FGD4: variants seen among roughly 807,000 people sequenced by gnomAD.
The protein encoded by FGD4 is FYVE, RhoGEF and PH domain-containing protein 4.
A neutral mutation model predicts 102.0 loss-of-function variants in FGD4; 42 were observed. The observed-to-expected ratio is 0.41, with a 90% CI of 0.32 to 0.53. FGD4 has a LOEUF of 0.53. Ranked by LOEUF, FGD4 falls within the 20% of genes least tolerant of loss-of-function variation. The probability of loss-of-function intolerance (pLI) is 0.21; values close to 1 mark genes in which losing one functional copy is unlikely to be tolerated. For synonymous variants in FGD4, 380 were observed against 375.7 expected (o/e 1.01, Z -0.13); for missense variants, 902 against 1,078.2 (o/e 0.84, Z 2.29).
In FGD4 at chr12:32,508,098, G is replaced by C. The variant is rs1029721853; in HGVS notation, c.167-56039G>C. Among the ~76,000 whole-genome samples the C allele has an allele frequency of 1.1e-4, 17 of 152,218 alleles. 1 individual carries two copies. Among genetic ancestry groups the C allele is most frequent in the Non-Finnish European group, 2.9e-5 (2 of 68,032 alleles). On this transcript the variant is annotated intron_variant, in intron 1 of 16. Transcript: ENST00000534526. ...TCAGTGTGATTGACATAGCAGAGGA[G>C]GGATGAAGGGTACAGAGGGGAGGGG... is the stretch of plus-strand genomic sequence containing the variant.
chr12:32,564,435 C>T, intron 2 of FGD4, 146 bp downstream of exon 2: 1 of 1,025,240 alleles, frequency 9.8e-7, no homozygotes, highest in East Asian at 2.7e-5. Context: ...TCCATCTGTG[C>T]ATCTTCTCAG....
intron 1 of FGD4, among the ~76,000 whole-genome samples, chr12:32,434,867 A>T (rs550349975): frequency 6.6e-6 from 1 of 152,318 alleles, no homozygotes; most frequent in East Asian, 1.9e-4. Context: ...TAAGATGAAA[A>T]AAATCAAATA....
chr12:32,631,710 T>C (rs1352131989), intron 14 of FGD4, among the ~76,000 whole-genome samples: 1 of 152,064 alleles, frequency 6.6e-6, no homozygotes, highest in Admixed American at 6.6e-5. Context: ...TTCACCATGC[T>C]GGCCAGGCTG....
intron 2 of FGD4, among the ~76,000 whole-genome samples, chr12:32,574,000 T>C (rs147945053): frequency 1.3e-3 from 200 of 152,364 alleles, no homozygotes; most frequent in African/African-American, 4.7e-3. Context: ...ACTGCAGCTT[T>C]ATTATTTAAT....
At chr12:32,565,712 T>A (rs1419446093) in intron 2 of FGD4, among the ~76,000 whole-genome samples, 1 of 152,222 alleles carries the variant, frequency 6.6e-6, no homozygotes, top group Non-Finnish European at 1.5e-5. Context: ...ATCCCCTTTT[T>A]AAGTAGACAA....
chr12:32,621,300 CAATA>C (rs1239113843), intron 11 of FGD4, among the ~76,000 whole-genome samples: 1 of 152,010 alleles, frequency 6.6e-6, no homozygotes, highest in Admixed American at 6.6e-5. Context: ...AAAATAATAA[CAATA>C]ATAATAATAA....
At chr12:32,526,702 C>G (rs1031224840) in intron 1 of FGD4, among the ~76,000 whole-genome samples, 2 of 152,194 alleles carry the variant, frequency 1.3e-5, no homozygotes, top group Non-Finnish European at 2.9e-5. Flanking sequence ...GCTGCTCACT[C>G]TTTGGGTCCA....
intron 1 of FGD4, among the ~76,000 whole-genome samples, chr12:32,400,366 A>T (rs1292726705): frequency 6.6e-6 from 1 of 152,180 alleles, no homozygotes; most frequent in East Asian, 1.9e-4. Flanking sequence ...GTGTCCGCCC[A>T]AGTCTGACAA....
chr12:32,619,942 T>G, intron 11 of FGD4, 72 bp downstream of exon 11: 3 of 1,560,492 alleles, frequency 1.9e-6, no homozygotes, highest in Non-Finnish European at 1.8e-6. Flanking sequence ...ATAGAATGGC[T>G]CTGAGGGTTT....
intron 1 of FGD4, among the ~76,000 whole-genome samples, chr12:32,445,159 C>T (rs770289377): frequency 1.3e-5 from 2 of 152,216 alleles, no homozygotes; most frequent in Non-Finnish European, 2.9e-5. Context: ...GAACAGCCCA[C>T]TCTTGCCTTC....
chr12:32,588,180 G>A (rs1947200043), intron 4 of FGD4, among the ~76,000 whole-genome samples: 1 of 152,214 alleles, frequency 6.6e-6, no homozygotes, highest in South Asian at 2.1e-4. Flanking sequence ...AGTTAACTTG[G>A]AGACCTAGCC....
chr12:32,591,466 G>A (rs547227011), intron 4 of FGD4, among the ~76,000 whole-genome samples: 47 of 152,296 alleles, frequency 3.1e-4, no homozygotes, highest in African/African-American at 1.1e-3. Context: ...TGAAGATTTT[G>A]CATTTGAAGC....
chr12:32,534,233 G>A, intron 1 of FGD4: 1 of 1,158,518 alleles, frequency 8.6e-7, no homozygotes, highest in Middle Eastern at 3.2e-4. Context: ...CTCATGCAAT[G>A]TACTGCAGCA....
rs142248302 is a variant in FGD4 at position 32,554,823 on chromosome 12, G to A, written c.167-9314G>A. 3.3e-3 allele frequency among the ~76,000 whole-genome samples: 504 copies of A among 152,362 alleles called. 3 individuals are homozygous for A. Among genetic ancestry groups the A allele is most frequent in the African/African-American group, 0.012 (488 of 41,596 alleles). ...CAAGTAGTTTGCTCGGCCTGTTGGA[G>A]GAATAGCAAGGAGCCAGTGTGCCTG... On this transcript the variant is annotated intron_variant, in intron 1 of 16. Coordinates refer to ENST00000534526, the MANE Select transcript of FGD4 (RefSeq NM_001370298.3).
Position 32,470,750 on chromosome 12 carries a change from G to A in FGD4, c.166+70791G>A, listed in dbSNP as rs143452471. Among the ~76,000 whole-genome samples, 90 of 152,242 alleles carry A rather than the reference G, an allele frequency of 5.9e-4. 2 individuals carry two copies. The highest frequency in any genetic ancestry group is 1.9e-3 in the African/African-American group (80 of 41,548). The stretch of plus-strand genomic sequence containing the variant: ...ATTACAGGCGTGAGCCGCTGCGCCC[G>A]GCCTGCTTTGAAGGTTTCCTTGTCT... On this transcript the variant is annotated intron_variant, in intron 1 of 16. Coordinates refer to ENST00000534526, the MANE Select transcript of FGD4 (RefSeq NM_001370298.3).
At chr12:32,474,870 C>G in intron 1 of FGD4, among the ~76,000 whole-genome samples, 1 of 152,192 alleles carries the variant, frequency 6.6e-6, no homozygotes, top group South Asian at 2.1e-4. Context: ...CACCCCTGTA[C>G]TCCAGCCTGG....
intron 1 of FGD4, among the ~76,000 whole-genome samples, chr12:32,538,270 T>C (rs1161094344): frequency 1.3e-5 from 2 of 152,214 alleles, no homozygotes; most frequent in African/African-American, 4.8e-5. Flanking sequence ...GCTATGTTCC[T>C]AGGGTCTAGA....
At chr12:32,624,380 A>G (rs1428600378) in intron 11 of FGD4, 42 bp from the exon 12 acceptor site, 1 of 1,458,638 alleles carries the variant, frequency 6.9e-7, no homozygotes, top group Non-Finnish European at 9.6e-7. Context: ...AGTGTGAATC[A>G]TTAATATTAT....
chr12:32,561,784 AGAAAGT>A (rs751129388), intron 1 of FGD4, among the ~76,000 whole-genome samples: 18 of 152,366 alleles, frequency 1.2e-4, no homozygotes, highest in Admixed American at 2.0e-4. Context: ...TTTTTATACC[AGAAAGT>A]GAACAAACAT....
Sources: allele counts gnomAD v4.1 joint callset (sites outside exome capture counted in the v4.1 genomes callset), GRCh38; gene constraint gnomAD v4.1.1; transcripts MANE v1.5; gene names NCBI Gene and HGNC (gene_info 2026-07-23, HGNC 2026-07-21).